Variants in LRRK2 observed in about 807,000 individuals in gnomAD.
The protein encoded by LRRK2 is leucine-rich repeat serine/threonine-protein kinase 2.
In LRRK2, 203 loss-of-function variants were observed where a neutral mutation model predicts 302.6. The ratio of observed to expected loss-of-function variants is 0.67; its 90% CI spans 0.60 to 0.75. LRRK2 has a LOEUF of 0.75. Ranked by LOEUF, LRRK2 falls within the 30% of genes least tolerant of loss-of-function variation. The pLI is 0.00. For missense variants in LRRK2, 2,830 were observed against 2,951.0 expected (o/e 0.96, Z 0.95); for synonymous variants, 1,066 against 1,031.9 (o/e 1.03, Z -0.63).
intron 33 of LRRK2, among the ~76,000 whole-genome samples, chr12:40,317,938 G>T (rs1361389613): frequency 6.6e-6 from 1 of 152,032 alleles, no homozygotes; most frequent in Non-Finnish European, 1.5e-5. Flanking sequence ...TATTGGCAAG[G>T]GTTATTCACT....
At position 40,308,694 on chromosome 12, in the gene LRRK2, C is replaced by G; in HGVS notation, c.4187C>G (p.Ala1396Gly). ...RDLVLNVWDF[A>G]GREEFYSTHP... ...CTCGTCCTAAATGTGTGGGATTTTG[C>G]AGGTATTTCTTTCTATAGAATTTTA... The change falls in exon 29 of 51, where the codon GCA becomes GGA. Residue 1396 changes from alanine (A) to glycine (G), a missense_variant and splice_region_variant. Coordinates refer to ENST00000298910, the MANE Select transcript of LRRK2 (RefSeq NM_198578.4). 2 of 1,612,846 alleles carry G rather than the reference C, an allele frequency of 1.2e-6. No homozygotes were observed. The highest frequency in any genetic ancestry group is 2.2e-5 in the South Asian group (2 of 91,040).
In LRRK2 at chr12:40,354,467, T is replaced by C; in HGVS notation, c.6745T>C (p.Tyr2249His). ...GATGACTGATTCTGTCACTTGTTTGTATTGCAATTCCTTTTCCAAGCAAAG... is the reference window on the plus strand; with the variant it reads ...GATGACTGATTCTGTCACTTGTTTGCATTGCAATTCCTTTTCCAAGCAAAG... ...EKMTDSVTCL[Y>H]CNSFSKQSKQ... Residue 2249 changes from tyrosine (Y) to histidine (H), a missense_variant, in exon 45 of 51, where the codon TAT becomes CAT. Tyr to His is a moderately conservative substitution (Grantham distance 83). Around this residue, in one of 3 missense-constraint regions of LRRK2, gnomAD observed 456 missense variants for 456.3 expected, o/e 1.00. Transcript: ENST00000298910. The C allele has an allele frequency of 6.2e-7, 1 of 1,614,090 alleles. No homozygotes were observed. Among genetic ancestry groups the C allele is most frequent in the South Asian group, 1.1e-5 (1 of 91,076 alleles).
At chr12:40,231,787 A>G (rs1592134778) in intron 2 of LRRK2, among the ~76,000 whole-genome samples, 1 of 146,796 alleles carries the variant, frequency 6.8e-6, no homozygotes, top group East Asian at 2.0e-4. Context: ...TTATGTATAA[A>G]TTAAATTATA....
chr12:40,307,797 T>TC, intron 28 of LRRK2, among the ~76,000 whole-genome samples: 1 of 148,742 alleles, frequency 6.7e-6, no homozygotes, highest in African/African-American at 2.5e-5. Context: ...TTTTTTTTTT[T>TC]TGAGACTGAG....
At position 40,329,948 on chromosome 12, in the gene LRRK2, G is replaced by A. The variant is rs1945666774; in HGVS notation, c.5757+1488G>A. On this transcript the variant is annotated intron_variant, in intron 39 of 50. Transcript: ENST00000298910. ...ATATATTTTCATCATGACTTCAAGT[G>A]TTTCTAAGTTCTTAATCATACAGTT... Among the ~76,000 whole-genome samples the A allele has an allele frequency of 2.0e-5, 3 of 152,128 alleles. No homozygotes were observed. The South Asian group carries it at 6.2e-4, about 32-fold the overall frequency.
At chr12:40,354,832 G>GAA (rs67041151) in intron 45 of LRRK2, among the ~76,000 whole-genome samples, 37 of 51,798 alleles carry the variant, frequency 7.1e-4, no homozygotes, top group African/African-American at 1.4e-3. Context: ...TTCATTCTTT[G>GAA]AAAAAAAAAA....
At chr12:40,315,705 G>A (rs919593999) in intron 33 of LRRK2, among the ~76,000 whole-genome samples, 2 of 152,020 alleles carry the variant, frequency 1.3e-5, no homozygotes, top group Admixed American at 6.6e-5. Flanking sequence ...GGTGAGTTTT[G>A]ACTTAAGTGA....
At chr12:40,242,830 A>G (rs1941797625) in intron 6 of LRRK2, among the ~76,000 whole-genome samples, 1 of 138,782 alleles carries the variant, frequency 7.2e-6, no homozygotes, top group Non-Finnish European at 1.6e-5. Flanking sequence ...TAAGCAATAT[A>G]ACATGAGCCA....
intron 16 of LRRK2, among the ~76,000 whole-genome samples, chr12:40,276,792 A>C (rs141409298): frequency 0.033 from 5,010 of 152,138 alleles, 229 homozygotes; most frequent in South Asian, 0.12. Flanking sequence ...TCAGCATCAT[A>C]AGAGTTCGAA....
chr12:40,228,056 A>T (rs546089159), intron 2 of LRRK2: 2 of 152,258 alleles, frequency 1.3e-5, no homozygotes, highest in South Asian at 4.1e-4. Context: ...GGGAGTTCAG[A>T]TATATCTTTG....
At chr12:40,306,381 T>C (rs1257595488) in intron 28 of LRRK2, among the ~76,000 whole-genome samples, 4 of 152,196 alleles carry the variant, frequency 2.6e-5, no homozygotes, top group African/African-American at 9.6e-5. Flanking sequence ...ACTGACATCA[T>C]GTGAAATTAC....
intron 23 of LRRK2, among the ~76,000 whole-genome samples, chr12:40,297,584 G>A (rs914697991): frequency 2.0e-5 from 3 of 152,038 alleles, no homozygotes; most frequent in Non-Finnish European, 4.4e-5. Flanking sequence ...TTTCTCGTGT[G>A]GATAAATATA....
At chr12:40,355,032 T>G (rs1946484024) in intron 45 of LRRK2, among the ~76,000 whole-genome samples, 1 of 152,158 alleles carries the variant, frequency 6.6e-6, no homozygotes, top group Non-Finnish European at 1.5e-5. Context: ...AAATTTCAGG[T>G]GTGAGTTGTA....
intron 39 of LRRK2, among the ~76,000 whole-genome samples, chr12:40,332,844 A>T (rs536692249): frequency 6.6e-6 from 1 of 152,098 alleles, no homozygotes; most frequent in South Asian, 2.1e-4. Context: ...GCTATGGTGG[A>T]AATTAGTACA....
At chr12:40,272,458 C>T (rs1342070926) in intron 14 of LRRK2, among the ~76,000 whole-genome samples, 1 of 152,150 alleles carries the variant, frequency 6.6e-6, no homozygotes, top group Non-Finnish European at 1.5e-5. Context: ...GTGTCGACAT[C>T]ACAAAGGTTT....
In LRRK2 at chr12:40,278,001, A is replaced by G. The variant is rs371781819; in HGVS notation, c.2055A>G (p.Glu685=). The change falls in exon 17 of 51, where the codon GAA becomes GAG. Residue 685 remains glutamate, a synonymous_variant. Transcript: ENST00000298910. ...IFHQMSSNIM[E]QKDQQFLNLC... ...ATCAAATGTCTTCCAATATCATGGAACAAAAGGATCAACAGGTACAGTGTT... is the reference window on the plus strand; with the variant it reads ...ATCAAATGTCTTCCAATATCATGGAGCAAAAGGATCAACAGGTACAGTGTT... 1.2e-6 allele frequency: 2 copies of G among 1,613,718 alleles called. No homozygotes were observed. The highest frequency in any genetic ancestry group is 1.7e-6 in the Non-Finnish European group (2 of 1,179,994).
chr12:40,368,308 C>T lies in LRRK2; in HGVS notation c.*543C>T, dbSNP rs373184816. ...AGTCCTTTGTTGGTATGTGAATTCT[C>T]TTTGTTGCTGTTGCAAACAGTGCAT... On this transcript the variant is annotated 3_prime_UTR_variant, in exon 51 of 51. Coordinates refer to ENST00000298910, the MANE Select transcript of LRRK2 (RefSeq NM_198578.4). 1.3e-5 allele frequency: 2 copies of T among 152,064 alleles called. No homozygotes were observed. Among genetic ancestry groups the T allele is most frequent in the South Asian group, 2.1e-4 (1 of 4,826 alleles). 9.4% of individuals were successfully genotyped at this position (152,064 alleles called of 1,614,324 possible). A position where few individuals can be genotyped will look rare whatever the true frequency, so the allele number is the denominator to read the frequency against.
chr12:40,296,885 C>A (rs578065232), intron 23 of LRRK2, among the ~76,000 whole-genome samples: 1 of 152,224 alleles, frequency 6.6e-6, no homozygotes, highest in South Asian at 2.1e-4. Flanking sequence ...TACTTCAAGC[C>A]ACCCAGGGCT....
chr12:40,225,087 G>C lies in LRRK2; in HGVS notation c.-45G>C. 6.2e-7 allele frequency: 1 copy of C among 1,611,428 alleles called. No individual in the cohort carries two copies. The highest frequency in any genetic ancestry group is 2.1e-4 in the Middle Eastern group (1 of 4,814). On this transcript the variant is annotated 5_prime_UTR_variant, in exon 1 of 51. Transcript: ENST00000298910. ...CGCCCCTGCCGGTTCCCTGAGCAGC[G>C]GACGTTCATGCTGGGAGGGCGGCGG...
Sources: allele counts gnomAD v4.1 joint callset (sites outside exome capture counted in the v4.1 genomes callset), GRCh38; gene constraint gnomAD v4.1.1; regional missense constraint gnomAD v4.1.1; transcripts MANE v1.5; gene names NCBI Gene and HGNC (gene_info 2026-07-23, HGNC 2026-07-21).